The following PRKCA variants were observed in gnomAD, a reference collection of about 807,000 sequenced individuals.
The protein encoded by PRKCA is protein kinase C alpha.
A neutral mutation model predicts 87.0 loss-of-function variants in PRKCA; 27 were observed. The ratio of observed to expected loss-of-function variants is 0.31; its 90% CI spans 0.23 to 0.43. The LOEUF (loss-of-function observed/expected upper bound fraction) is 0.43, where lower values mean the gene tolerates loss of function less well. Ranked by LOEUF, PRKCA falls within the 20% of genes least tolerant of loss-of-function variation. PRKCA has a pLI of 1.00. For synonymous variants in PRKCA, 329 were observed against 311.1 expected (o/e 1.06, Z -0.61); for missense variants, 518 against 852.3 (o/e 0.61, Z 4.88).
chr17:66,630,133 G>A (rs1403867058), intron 3 of PRKCA, among the ~76,000 whole-genome samples: 1 of 152,128 alleles, frequency 6.6e-6, no homozygotes, highest in East Asian at 1.9e-4. Context: ...GCTAGTTAAA[G>A]TAGTCAGTAC....
intron 2 of PRKCA, among the ~76,000 whole-genome samples, chr17:66,342,663 G>A (rs763350861): frequency 1.2e-4 from 19 of 152,030 alleles, no homozygotes; most frequent in Admixed American, 4.6e-4. Context: ...GAGAGGAAAA[G>A]TAAGAGAAGG....
At chr17:66,343,385 C>G (rs1907158372) in intron 2 of PRKCA, among the ~76,000 whole-genome samples, 1 of 152,146 alleles carries the variant, frequency 6.6e-6, no homozygotes, top group Non-Finnish European at 1.5e-5. Flanking sequence ...TCTTTGTTAT[C>G]CATCACTGAA....
intron 3 of PRKCA, among the ~76,000 whole-genome samples, chr17:66,505,289 G>A (rs1016010460): frequency 6.6e-6 from 1 of 152,138 alleles, no homozygotes; most frequent in South Asian, 2.1e-4. Context: ...GGGGGAGTGG[G>A]TGGCATGGCC....
At chr17:66,714,759 T>A (rs1192711171) in intron 8 of PRKCA, among the ~76,000 whole-genome samples, 1 of 152,150 alleles carries the variant, frequency 6.6e-6, no homozygotes, top group East Asian at 1.9e-4. Context: ...GCAGTGCCTT[T>A]ACTGGTGTCC....
intron 13 of PRKCA, among the ~76,000 whole-genome samples, chr17:66,756,594 A>G (rs866947613): frequency 5.3e-5 from 8 of 152,242 alleles, no homozygotes; most frequent in African/African-American, 1.7e-4. Flanking sequence ...TGAAGCAAGC[A>G]TCAGATGCAG....
At chr17:66,365,148 A>T (rs771455382) in intron 2 of PRKCA, among the ~76,000 whole-genome samples, 1 of 152,196 alleles carries the variant, frequency 6.6e-6, no homozygotes, top group Non-Finnish European at 1.5e-5. Flanking sequence ...TCTCGCCTTT[A>T]TAAGTGGAGT....
At chr17:66,378,192 G>A (rs972445851) in intron 2 of PRKCA, among the ~76,000 whole-genome samples, 5 of 152,038 alleles carry the variant, frequency 3.3e-5, no homozygotes, top group Admixed American at 6.5e-5. Context: ...CTGTGGTGGC[G>A]TGTGCCTGTA....
At chr17:66,333,843 T>TG (rs1906498822) in intron 2 of PRKCA, among the ~76,000 whole-genome samples, 1 of 152,194 alleles carries the variant, frequency 6.6e-6, no homozygotes, top group Non-Finnish European at 1.5e-5. Flanking sequence ...CATTGAAACC[T>TG]GGGGGTTATA....
Position 66,741,696 on chromosome 17 carries a change from C to G in PRKCA, c.1360C>G (p.Leu454Val), listed in dbSNP as rs1278940098. 1 of 1,614,170 alleles carries G rather than the reference C, an allele frequency of 6.2e-7. No individual in the cohort carries two copies. Reference protein sequence around the residue: ...AAEISIGLFFLHKRGIIYRDL... With the variant: ...AAEISIGLFFVHKRGIIYRDL... The stretch of plus-strand genomic sequence containing the variant: ...AGAGATTTCCATCGGATTGTTCTTT[C>G]TTCATAAAAGAGGAATCATTTATAG... The change falls in exon 12 of 17, where the codon CTT (leucine) becomes GTT (valine). Residue 454 changes from leucine (L) to valine (V), a missense_variant. Leu to Val is a conservative substitution (Grantham distance 32). Around this residue, in one of 5 missense-constraint regions of PRKCA, gnomAD observed 300 missense variants for 496.8 expected, o/e 0.60. Transcript: ENST00000413366.
chr17:66,658,495 AAC>A (rs1357678471), intron 5 of PRKCA, among the ~76,000 whole-genome samples: 1,219 of 43,412 alleles, frequency 0.028, 15 homozygotes, highest in African/African-American at 0.12. Context: ...CTTCAAAAAC[AAC>A]AACAACAACA....
intron 13 of PRKCA, among the ~76,000 whole-genome samples, chr17:66,754,501 A>G (rs1381081344): frequency 6.6e-6 from 1 of 152,180 alleles, no homozygotes; most frequent in Non-Finnish European, 1.5e-5. Flanking sequence ...AAACGAGGGT[A>G]CGACCTAGCA....
intron 8 of PRKCA, among the ~76,000 whole-genome samples, chr17:66,705,051 G>A (rs1291436265): frequency 6.6e-6 from 1 of 152,136 alleles, no homozygotes; most frequent in Non-Finnish European, 1.5e-5. Flanking sequence ...GGAAACCAGA[G>A]TACTTTCAGA....
Position 66,640,690 on chromosome 17 carries a change from C to T in PRKCA, c.289-665C>T, listed in dbSNP as rs117791307. Among the ~76,000 whole-genome samples the T allele has an allele frequency of 6.2e-3, 949 of 152,298 alleles. 4 individuals carry two copies. The highest frequency in any genetic ancestry group is 0.014 in the Middle Eastern group (4 of 294). The stretch of plus-strand genomic sequence containing the variant: ...CAAACACACCGATTTTGTGTCTACT[C>T]GTGCCCCAGCCTGCGCTAGGCAGTG... On this transcript the variant is annotated intron_variant, in intron 3 of 16. Coordinates refer to ENST00000413366, the MANE Select transcript of PRKCA (RefSeq NM_002737.3).
At chr17:66,570,973 G>T (rs988171998) in intron 3 of PRKCA, among the ~76,000 whole-genome samples, 4 of 152,206 alleles carry the variant, frequency 2.6e-5, no homozygotes, top group Admixed American at 1.3e-4. Context: ...CTCTAAGGTT[G>T]CTGTGAAGGT....
intron 2 of PRKCA, among the ~76,000 whole-genome samples, chr17:66,328,006 G>C (rs1906088695): frequency 6.6e-6 from 1 of 152,104 alleles, no homozygotes; most frequent in Non-Finnish European, 1.5e-5. Flanking sequence ...ACGGGATTTT[G>C]GCAGTGTGTA....
At chr17:66,743,883 T>C (rs1974212196) in intron 13 of PRKCA, among the ~76,000 whole-genome samples, 2 of 152,182 alleles carry the variant, frequency 1.3e-5, no homozygotes, top group Admixed American at 6.5e-5. Flanking sequence ...CATGTGAGCT[T>C]CAATCTGGAA....
chr17:66,445,346 A>G (rs1243455394), intron 2 of PRKCA, among the ~76,000 whole-genome samples: 1 of 152,260 alleles, frequency 6.6e-6, no homozygotes, highest in Non-Finnish European at 1.5e-5. Context: ...TCACATACCA[A>G]GGCTGGCTGG....
intron 2 of PRKCA, among the ~76,000 whole-genome samples, chr17:66,314,751 G>GA (rs1192390618): frequency 6.6e-6 from 1 of 152,114 alleles, no homozygotes; most frequent in Admixed American, 6.5e-5. Flanking sequence ...GTTAACAGTT[G>GA]AATTGAGAGT....
chr17:66,351,463 T>C (rs567029292), intron 2 of PRKCA, among the ~76,000 whole-genome samples: 163 of 152,308 alleles, frequency 1.1e-3, no homozygotes, highest in Non-Finnish European at 1.9e-3. Context: ...CACCCAAGGT[T>C]TTTAGATTCG....
Sources: gnomAD v4.1 joint callset for allele counts (sites outside exome capture counted in the v4.1 genomes callset) on GRCh38, gnomAD v4.1.1 for gene constraint, gnomAD v4.1.1 regional missense constraint, MANE v1.5 for transcripts, NCBI Gene and HGNC (gene_info 2026-07-23, HGNC 2026-07-21) for gene names.